Variants in GFRA1 observed in about 807,000 individuals in gnomAD.
GFRA1 encodes the protein GDNF family receptor alpha-1.
A neutral mutation model predicts 51.6 loss-of-function variants in GFRA1; 16 were observed. The ratio of observed to expected loss-of-function variants is 0.31; its 90% CI spans 0.21 to 0.47. GFRA1 has a LOEUF of 0.47. Ranked by LOEUF, GFRA1 falls within the 20% of genes least tolerant of loss-of-function variation. GFRA1 has a pLI of 1.00. For missense variants in GFRA1, 530 were observed against 594.3 expected, an observed-to-expected ratio of 0.89 and a Z score of 1.13; for synonymous variants, 270 against 241.3, an observed-to-expected ratio of 1.12 and a Z score of -1.10.
At chr10:116,274,160 C>T (rs550415847), upstream of GFRA1, among the ~76,000 whole-genome samples, 125 of 151,902 alleles carry the variant, frequency 8.2e-4, no homozygotes, top group Non-Finnish European at 1.4e-3. Context: ...TCGTGCTGCT[C>T]ACCCCCCGCC....
chr10:116,086,526 T>C (rs987919338), intron 9 of GFRA1, among the ~76,000 whole-genome samples: 3 of 152,220 alleles, frequency 2.0e-5, no homozygotes, highest in Admixed American at 6.5e-5. Context: ...GGGTCTGAAA[T>C]GGGCTTGGCT....
At chr10:116,129,891 AGTTTTATTT>A (rs1958034396) in intron 5 of GFRA1, among the ~76,000 whole-genome samples, 2 of 151,892 alleles carry the variant, frequency 1.3e-5, no homozygotes, top group African/African-American at 2.4e-5. Flanking sequence ...CATTTTTAAG[AGTTTTATTT>A]GTAATTAGCA....
At position 116,096,635 on chromosome 10, in the gene GFRA1, C is replaced by T; in HGVS notation, c.880+20G>A. On this transcript the variant is annotated intron_variant, in intron 7 of 10. Coordinates refer to ENST00000355422, the MANE Select transcript of GFRA1 (RefSeq NM_005264.8). ...ATGCAAACCACACTCTTCTCCCATC[C>T]TGCTTCTCTCGGATCTTACCAATAA... is the stretch of plus-strand genomic sequence containing the variant. The T allele has an allele frequency of 7.4e-7, 1 of 1,351,068 alleles. No homozygotes were observed. Among genetic ancestry groups the T allele is most frequent in the South Asian group, 1.2e-5 (1 of 84,996 alleles). The allele number at this position is 1,351,068 out of a possible 1,614,324, so 83.7% of individuals were successfully genotyped here.
At chr10:116,109,833 G>A (rs1179452095) in intron 6 of GFRA1, among the ~76,000 whole-genome samples, 2 of 152,148 alleles carry the variant, frequency 1.3e-5, no homozygotes, top group Non-Finnish European at 2.9e-5. Flanking sequence ...GGGCATGAGT[G>A]CCAATGTCAG....
chr10:116,170,152 A>G (rs1960888880), intron 5 of GFRA1, among the ~76,000 whole-genome samples: 1 of 152,184 alleles, frequency 6.6e-6, no homozygotes, highest in Non-Finnish European at 1.5e-5. Context: ...GGCCTCCATG[A>G]GCAACATGGA....
intron 6 of GFRA1, 21 bp from the exon 7 acceptor site, chr10:116,096,785 T>A: frequency 1.5e-6 from 2 of 1,340,754 alleles, no homozygotes; most frequent in Non-Finnish European, 2.1e-6. Flanking sequence ...AAAAAAGGGG[T>A]GGGGGGTGGA....
intron 5 of GFRA1, among the ~76,000 whole-genome samples, chr10:116,175,554 T>C (rs1277207434): frequency 6.6e-6 from 1 of 152,192 alleles, no homozygotes; most frequent in African/African-American, 2.4e-5. Context: ...CAGAATTTTC[T>C]CGCTAGCTTT....
intron 4 of GFRA1, among the ~76,000 whole-genome samples, chr10:116,257,573 G>A (rs1480398145): frequency 6.6e-6 from 1 of 152,156 alleles, no homozygotes; most frequent in African/African-American, 2.4e-5. Flanking sequence ...CCCAGAAGGT[G>A]CCTTCTATGA....
chr10:116,089,706 G>A, intron 9 of GFRA1, 35 bp downstream of exon 9: 8 of 1,583,596 alleles, frequency 5.1e-6, no homozygotes, highest in Non-Finnish European at 6.9e-6. Context: ...CACCAGGAAG[G>A]GAGCCCCAGC....
At chr10:116,250,389 T>C (rs1968232730) in intron 4 of GFRA1, among the ~76,000 whole-genome samples, 1 of 152,144 alleles carries the variant, frequency 6.6e-6, no homozygotes, top group Non-Finnish European at 1.5e-5. Flanking sequence ...TGGTCTTTAA[T>C]TCTGTTATCC....
At position 116,272,129 on chromosome 10, in the gene GFRA1, G is replaced by C. The variant is rs1844006434; in HGVS notation, c.-100C>G. 9.5e-7 allele frequency: 1 copy of C among 1,053,406 alleles called. No homozygotes were observed. The highest frequency in any genetic ancestry group is 1.6e-5 in the African/African-American group (1 of 63,938). 65.3% of individuals were successfully genotyped at this position (1,053,406 alleles called of 1,614,324 possible). On this transcript the variant is annotated 5_prime_UTR_variant, in exon 2 of 11. Coordinates refer to ENST00000355422, the MANE Select transcript of GFRA1 (RefSeq NM_005264.8). The surrounding 1 kb of genome is among the most constrained non-coding windows in gnomAD (Gnocchi z 4.4). The stretch of plus-strand genomic sequence containing the variant: ...AGCGTGCAGCGATCCCCGGACAGCT[G>C]TGCTGCTCTGGCCGCCCAAAGTTCA...
chr10:116,263,997 G>A (rs1364069411), intron 4 of GFRA1, among the ~76,000 whole-genome samples: 1 of 152,130 alleles, frequency 6.6e-6, no homozygotes. Flanking sequence ...AGGGTAAGGA[G>A]CAAAGGAGAG....
At chr10:116,142,181 C>T (rs542641431) in intron 5 of GFRA1, among the ~76,000 whole-genome samples, 2 of 152,238 alleles carry the variant, frequency 1.3e-5, no homozygotes, top group Admixed American at 6.5e-5. Flanking sequence ...AACAATGCCC[C>T]GCCATGCAGC....
At chr10:116,073,036 G>A (rs932423494) in intron 9 of GFRA1, among the ~76,000 whole-genome samples, 3 of 152,160 alleles carry the variant, frequency 2.0e-5, no homozygotes, top group Non-Finnish European at 4.4e-5. Context: ...TGCGAACTTT[G>A]TATGGAAGAG....
At position 116,061,189 on chromosome 10, in the gene GFRA1, T is replaced by C. The variant is rs1443594226; in HGVS notation, c.*3209A>G. 6.6e-6 allele frequency: 1 copy of C among 151,510 alleles called. No individual in the cohort carries two copies. Among genetic ancestry groups the C allele is most frequent in the East Asian group, 2.0e-4 (1 of 5,090 alleles). 9.4% of individuals were successfully genotyped at this position (151,510 alleles called of 1,614,324 possible). The stretch of plus-strand genomic sequence containing the variant: ...GCTCTGGGGGAGCCCTGTCCGGTGT[T>C]TGAGGAACTCGAAGACACAACTTCT... On this transcript the variant is annotated 3_prime_UTR_variant, in exon 11 of 11. Transcript: ENST00000355422.
At chr10:116,137,978 T>C (rs892789693) in intron 5 of GFRA1, among the ~76,000 whole-genome samples, 1 of 152,122 alleles carries the variant, frequency 6.6e-6, no homozygotes, top group African/African-American at 2.4e-5. Context: ...ATTTTTTGTA[T>C]TTTTAGTAGA....
At chr10:116,153,351 G>A (rs1413215523) in intron 5 of GFRA1, among the ~76,000 whole-genome samples, 2 of 152,196 alleles carry the variant, frequency 1.3e-5, no homozygotes, top group African/African-American at 4.8e-5. Flanking sequence ...AATTTCTAGA[G>A]CAAGAGTAGG....
intron 6 of GFRA1, among the ~76,000 whole-genome samples, chr10:116,109,468 CT>C (rs1957119831): frequency 6.6e-6 from 1 of 152,184 alleles, no homozygotes; most frequent in African/African-American, 2.4e-5. Flanking sequence ...AAAATAATAT[CT>C]GTTGTTACTG....
chr10:116,233,514 C>A (rs1278726717), intron 4 of GFRA1, among the ~76,000 whole-genome samples: 1 of 152,072 alleles, frequency 6.6e-6, no homozygotes, highest in Non-Finnish European at 1.5e-5. Flanking sequence ...TGCAGCCTGG[C>A]CTGGTCCAGC....
Sources: gnomAD v4.1 joint callset for allele counts (sites outside exome capture counted in the v4.1 genomes callset) on GRCh38, gnomAD v4.1.1 for gene constraint, Gnocchi (gnomAD v3.1) non-coding constraint, MANE v1.5 for transcripts, NCBI Gene and HGNC (gene_info 2026-07-23, HGNC 2026-07-21) for gene names.